TMC3: variants seen among roughly 807,000 people sequenced by gnomAD.
TMC3 encodes transmembrane channel like 3, also known as transmembrane channel-like protein 3.
Under a neutral mutation model 110.6 loss-of-function variants are expected in TMC3, and 98 were observed. The observed-to-expected ratio is 0.89, with a 90% CI of 0.75 to 1.05. The LOEUF is 1.05. TMC3 is among the 50% of genes least tolerant of loss of function. TMC3 has a pLI of 0.00. For synonymous variants in TMC3, 489 were observed against 513.1 expected, an observed-to-expected ratio of 0.95 and a Z score of 0.63; for missense variants, 1,319 against 1,373.2, an observed-to-expected ratio of 0.96 and a Z score of 0.62.
At chr15:81,369,435 C>A (rs1894387175) in intron 2 of TMC3, among the ~76,000 whole-genome samples, 1 of 152,096 alleles carries the variant, frequency 6.6e-6, no homozygotes, top group South Asian at 2.1e-4. Context: ...GATGTTCTAC[C>A]CCATACCATG....
intron 18 of TMC3, 105 bp downstream of exon 18, chr15:81,338,550 A>T: frequency 6.8e-7 from 1 of 1,479,250 alleles, no homozygotes; most frequent in South Asian, 1.3e-5. Flanking sequence ...AGCCTAAGTG[A>T]TTTTTGAATG....
chr15:81,362,069 G>C, intron 4 of TMC3, 151 bp downstream of exon 4: 7 of 603,938 alleles, frequency 1.2e-5, no homozygotes, highest in Non-Finnish European at 2.1e-5. Context: ...TTGTCTTCTG[G>C]GTCTGTTGTT....
rs556240312 is a variant in TMC3, at chr15:81,363,690, CT to C, written c.313-1390del. ...CTGTAGCCAGAAAAGAAATTCTCCT[CT>C]TTGTAAACTCCCCCAGCAATAATTT... is the stretch of plus-strand genomic sequence containing the variant. On this transcript the variant is annotated intron_variant, in intron 3 of 21. Transcript: ENST00000359440. Among the ~76,000 whole-genome samples, 214 of 152,346 alleles carry C rather than the reference CT, an allele frequency of 1.4e-3. 1 individual carries two copies. The highest frequency in any genetic ancestry group is 4.9e-3 in the African/African-American group (202 of 41,586).
chr15:81,355,444 C>G (rs1203842639), intron 9 of TMC3, among the ~76,000 whole-genome samples: 6 of 152,142 alleles, frequency 3.9e-5, no homozygotes, highest in South Asian at 2.1e-4. Flanking sequence ...AGTTGGTGCT[C>G]AAAATACCTC....
At chr15:81,357,629 C>G (rs976247900) in intron 7 of TMC3, among the ~76,000 whole-genome samples, 15 of 152,158 alleles carry the variant, frequency 9.9e-5, no homozygotes, top group Non-Finnish European at 2.2e-4. Context: ...TTTTGCCTCC[C>G]CAGTGATGAC....
At position 81,346,714 on chromosome 15, in the gene TMC3, T is replaced by C. The variant is rs186355606; in HGVS notation, c.1194-271A>G. On this transcript the variant is annotated intron_variant, in intron 11 of 21. Coordinates refer to ENST00000359440, the MANE Select transcript of TMC3 (RefSeq NM_001080532.3). The stretch of plus-strand genomic sequence containing the variant: ...TGGATCTGTACTTTACAAACACTAG[T>C]GTAGCAGAAAATGTGAGTTTAGGAA... 4.0e-4 allele frequency among the ~76,000 whole-genome samples: 61 copies of C among 152,332 alleles called. 1 individual carries two copies. The highest frequency in any genetic ancestry group is 1.1e-3 in the African/African-American group (47 of 41,566).
chr15:81,369,929 AAAC>A (rs1272779287), intron 2 of TMC3, among the ~76,000 whole-genome samples: 2 of 152,124 alleles, frequency 1.3e-5, no homozygotes, highest in Non-Finnish European at 2.9e-5. Context: ...GTTTCATAAC[AAAC>A]AACAACAACA....
chr15:81,364,682 T>TAAAAAA (rs35537034), intron 3 of TMC3, among the ~76,000 whole-genome samples: 6 of 95,100 alleles, frequency 6.3e-5, no homozygotes, highest in African/African-American at 3.2e-4. Flanking sequence ...TAAAGTATAA[T>TAAAAAA]AAAAAAAAAC....
intron 6 of TMC3, 45 bp from the exon 7 acceptor site, chr15:81,358,336 G>A (rs1216191563): frequency 1.3e-6 from 2 of 1,597,738 alleles, no homozygotes; most frequent in Non-Finnish European, 1.7e-6. Flanking sequence ...CCGTTCCCAG[G>A]TCTCAGAACT....
Position 81,338,744 on chromosome 15 carries a change from C to T in TMC3, c.1992G>A (p.Thr664=), listed in dbSNP as rs780750276. 4.4e-5 allele frequency: 71 copies of T among 1,613,788 alleles called. 1 individual carries two copies. Among genetic ancestry groups the T allele is most frequent in the South Asian group, 4.4e-4 (40 of 91,082 alleles). ...QEKIYDIVSE[T]IEKDFPVWFG... ...ACCACACAGGAAAGTCTTTCTCAAT[C>T]GTTTCTGACACAATGTCATAAATTT... is the stretch of plus-strand genomic sequence containing the variant. Residue 664 remains threonine (T), a synonymous_variant, in exon 18 of 22, where the codon ACG becomes ACA. Coordinates refer to ENST00000359440, the MANE Select transcript of TMC3 (RefSeq NM_001080532.3).
intron 1 of TMC3, 106 bp downstream of exon 1, chr15:81,373,883 G>A: frequency 9.5e-7 from 1 of 1,056,294 alleles, no homozygotes; most frequent in African/African-American, 1.6e-5. Flanking sequence ...TCATTCTGAA[G>A]GACAACTGAG....
At chr15:81,341,662 C>T (rs1055418357) in intron 15 of TMC3, 144 bp from the exon 16 acceptor site, 37 of 753,282 alleles carry the variant, frequency 4.9e-5, no homozygotes, top group Non-Finnish European at 6.7e-5. Flanking sequence ...CCTGAAGTCC[C>T]GAGACCACAA....
At chr15:81,338,036 G>A (rs1411141802) in intron 18 of TMC3, 112 bp from the exon 19 acceptor site, 23 of 829,386 alleles carry the variant, frequency 2.8e-5, no homozygotes, top group Non-Finnish European at 3.7e-5. Context: ...GGCCAGATGC[G>A]GGCTATCCAC....
At chr15:81,372,827 C>G in intron 1 of TMC3, 90 bp from the exon 2 acceptor site, 1 of 1,370,734 alleles carries the variant, frequency 7.3e-7, no homozygotes, top group Non-Finnish European at 1.0e-6. Context: ...TTCAGCATCT[C>G]ACTGCCCTAG....
intron 9 of TMC3, 32 bp downstream of exon 9, chr15:81,355,693 A>G (rs1157206610): frequency 2.7e-6 from 4 of 1,470,908 alleles, no homozygotes; most frequent in African/African-American, 2.8e-5. Flanking sequence ...AAACTTATCA[A>G]TGAATTCAGC....
At chr15:81,372,349 GACACACACACACACACACACACACAC>G (rs371289786) in intron 2 of TMC3, among the ~76,000 whole-genome samples, 77 of 116,856 alleles carry the variant, frequency 6.6e-4, no homozygotes, top group African/African-American at 1.4e-3. Flanking sequence ...CTGTCTCTCT[GACACACACACACACACACACACACAC>G]ACACACACAC....
In TMC3 at chr15:81,351,806, A is replaced by T. The variant is rs752348676; in HGVS notation, c.971T>A (p.Ile324Asn). 2.5e-6 allele frequency: 4 copies of T among 1,611,684 alleles called. No individual in the cohort carries two copies. In the South Asian group the frequency reaches 3.3e-5, roughly 13 times the overall value. The change falls in exon 10 of 22, where the codon ATC (isoleucine) becomes AAC (asparagine). Residue 324 changes from isoleucine (I) to asparagine (N), a missense_variant. Coordinates refer to ENST00000359440, the MANE Select transcript of TMC3 (RefSeq NM_001080532.3). The stretch of plus-strand genomic sequence containing the variant: ...CCCAGCCAGTGAGAGAAGCACCAGG[A>T]TGTTGGCAATAATCCTCAGGCAGAT... ...VTICLRIIAN[I>N]LVLLSLAGSI...
intron 16 of TMC3, among the ~76,000 whole-genome samples, chr15:81,341,147 A>C (rs28733073): frequency 2.0e-5 from 3 of 152,116 alleles, no homozygotes; most frequent in Non-Finnish European, 2.9e-5. Flanking sequence ...TTTTTTTCTA[A>C]AGGATTATTA....
chr15:81,348,615 A>G (rs1409114262), intron 11 of TMC3, among the ~76,000 whole-genome samples: 1 of 152,160 alleles, frequency 6.6e-6, no homozygotes, highest in Admixed American at 6.5e-5. Flanking sequence ...GTCCTGGCAA[A>G]GCTTCCAGGC....
Sources: allele counts gnomAD v4.1 joint callset (sites outside exome capture counted in the v4.1 genomes callset), GRCh38; gene constraint gnomAD v4.1.1; transcripts MANE v1.5; gene names NCBI Gene and HGNC (gene_info 2026-07-23, HGNC 2026-07-21).